ACAD10: variants seen among roughly 807,000 people sequenced by gnomAD.
ACAD10 encodes the protein ACAD-10.
Under a neutral mutation model 116.8 loss-of-function variants are expected in ACAD10, and 112 were observed. That is an observed-to-expected ratio of 0.96 (90% confidence interval 0.82 to 1.12). The LOEUF (loss-of-function observed/expected upper bound fraction) is 1.12, where lower values mean the gene tolerates loss of function less well. ACAD10 is among the 50% of genes most tolerant of loss of function. ACAD10 has a pLI of 0.00. For synonymous variants in ACAD10, 486 were observed against 510.6 expected (o/e 0.95, Z 0.65); for missense variants, 1,259 against 1,350.2 (o/e 0.93, Z 1.06).
At chr12:111,749,999 C>G (rs1161870138) in intron 18 of ACAD10, among the ~76,000 whole-genome samples, 1 of 150,574 alleles carries the variant, frequency 6.6e-6, no homozygotes, top group Non-Finnish European at 1.5e-5. Flanking sequence ...GGTCTCGATC[C>G]CTTGACCTCG....
Position 111,721,696 on chromosome 12 carries a change from G to A in ACAD10, c.1018G>A (p.Gly340Arg). 6.2e-7 allele frequency: 1 copy of A among 1,604,748 alleles called. No individual in the cohort carries two copies. The highest frequency in any genetic ancestry group is 8.5e-7 in the Non-Finnish European group (1 of 1,172,756). The change falls in exon 8 of 21, where the codon GGA (glycine) becomes AGA (arginine). Residue 340 changes from glycine (G) to arginine (R), a missense_variant. Gly to Arg is a moderately radical substitution (Grantham distance 125, BLOSUM62 -2). Transcript: ENST00000313698. ...GATTATGAAAGCCCTTGCAAATGCT[G>A]GAGTACCTGTCCCTAACGTTCTTGA... is the stretch of plus-strand genomic sequence containing the variant. ...FRIMKALANA[G>R]VPVPNVLDLC...
At chr12:111,703,112 A>G (rs1403366608) in intron 3 of ACAD10, among the ~76,000 whole-genome samples, 1 of 151,790 alleles carries the variant, frequency 6.6e-6, no homozygotes, top group South Asian at 2.1e-4. Context: ...ATTCTTTACT[A>G]AGTTCCTCCA....
chr12:111,698,810 A>G (rs769056715), intron 2 of ACAD10, among the ~76,000 whole-genome samples: 19 of 152,046 alleles, frequency 1.2e-4, no homozygotes, highest in Non-Finnish European at 2.2e-4. Flanking sequence ...TGATTTGCAA[A>G]TATTTTCTCC....
chr12:111,724,789 A>G (rs1023443950), intron 8 of ACAD10, among the ~76,000 whole-genome samples: 12 of 149,742 alleles, frequency 8.0e-5, no homozygotes, highest in Admixed American at 8.0e-4. Context: ...CCGTGGAAAG[A>G]GAGGGAGGGG....
At chr12:111,710,461 ATCT>A in intron 5 of ACAD10, 1 of 266,198 alleles carries the variant, frequency 3.8e-6, no homozygotes, top group Non-Finnish European at 7.5e-6. Flanking sequence ...TTGTAACATA[ATCT>A]TCTTTCTTCT....
chr12:111,711,623 C>T (rs559871025), intron 5 of ACAD10, among the ~76,000 whole-genome samples: 2 of 148,986 alleles, frequency 1.3e-5, no homozygotes. Flanking sequence ...CTCCTGGGTT[C>T]GCACCATTCT....
At chr12:111,720,759 TTTTTA>T (rs1365437089) in intron 7 of ACAD10, among the ~76,000 whole-genome samples, 1 of 151,980 alleles carries the variant, frequency 6.6e-6, no homozygotes, top group African/African-American at 2.4e-5. Context: ...CTGTCTTTTA[TTTTTA>T]TTTTATTTCT....
At chr12:111,747,745 C>CTAA in intron 16 of ACAD10, 1 of 1,078,210 alleles carries the variant, frequency 9.3e-7, no homozygotes, top group Non-Finnish European at 1.1e-6. Context: ...ATCCTAAGGG[C>CTAA]TAATGACAAT....
intron 12 of ACAD10, among the ~76,000 whole-genome samples, chr12:111,742,454 A>G (rs879303305): frequency 7.2e-5 from 11 of 152,174 alleles, no homozygotes; most frequent in Non-Finnish European, 1.0e-4. Context: ...GTAGAGACCT[A>G]TTGAGGTCCA....
chr12:111,703,107 T>TAA (rs141858045), intron 3 of ACAD10, among the ~76,000 whole-genome samples: 47 of 151,882 alleles, frequency 3.1e-4, no homozygotes, highest in African/African-American at 1.1e-3. Context: ...AAAAAATTCT[T>TAA]TACTAAGTTC....
chr12:111,687,678 T>A (rs914754642), intron 1 of ACAD10, among the ~76,000 whole-genome samples: 9 of 152,196 alleles, frequency 5.9e-5, no homozygotes, highest in Admixed American at 5.9e-4. Flanking sequence ...TCATATACCT[T>A]GTGTCATGCA....
At chr12:111,689,957 C>T (rs566750283) in intron 1 of ACAD10, among the ~76,000 whole-genome samples, 3 of 152,234 alleles carry the variant, frequency 2.0e-5, no homozygotes, top group Admixed American at 6.5e-5. Flanking sequence ...CTTTGTGATC[C>T]GCCCGCCTCG....
rs573737360 is a variant in ACAD10, at chr12:111,751,560, G to A, written c.2818-2212G>A. 2.1e-4 allele frequency among the ~76,000 whole-genome samples: 32 copies of A among 152,000 alleles called. No individual in the cohort carries two copies. In the South Asian group the frequency reaches 4.4e-3, roughly 21 times the overall value. ...AGCCTCGCCAACATGGTGATACCCC[G>A]TCTCTACTAAAAATACAGAAGTTAG... On this transcript the variant is annotated intron_variant, in intron 18 of 20. Coordinates refer to ENST00000313698, the MANE Select transcript of ACAD10 (RefSeq NM_025247.6).
chr12:111,750,322 G>A (rs879473524), intron 18 of ACAD10, among the ~76,000 whole-genome samples: 1 of 149,556 alleles, frequency 6.7e-6, no homozygotes, highest in East Asian at 2.0e-4. Context: ...CGATCTCACC[G>A]TGTTAGCCAG....
chr12:111,730,264 C>T (rs568937194), intron 10 of ACAD10, among the ~76,000 whole-genome samples: 20 of 152,256 alleles, frequency 1.3e-4, no homozygotes, highest in African/African-American at 4.8e-4. Flanking sequence ...CAGACCTGGT[C>T]CAGTGTTCCC....
Position 111,727,968 on chromosome 12 carries a change from T to C in ACAD10, c.1068T>C (p.Ile356=). 2 of 1,609,240 alleles carry C rather than the reference T, an allele frequency of 1.2e-6. No homozygotes were observed. The highest frequency in any genetic ancestry group is 1.3e-5 in the African/African-American group (1 of 74,864). Residue 356 remains isoleucine, a synonymous_variant, in exon 9 of 21, where the codon ATT becomes ATC. Coordinates refer to ENST00000313698, the MANE Select transcript of ACAD10 (RefSeq NM_025247.6). ...VLDLCEDSSV[I]GTPFYVMEYC... is the part of the protein sequence containing the mutation. The stretch of plus-strand genomic sequence containing the variant: ...CCTTCTGTGTTCCTCCCAGTGTCAT[T>C]GGCACCCCCTTCTATGTGATGGAGT...
chr12:111,721,656 C>T lies in ACAD10; in HGVS notation c.993-15C>T. 5.7e-6 allele frequency: 9 copies of T among 1,581,222 alleles called. No homozygotes were observed. The highest frequency in any genetic ancestry group is 7.8e-6 in the Non-Finnish European group (9 of 1,158,036). On this transcript the variant is annotated splice_polypyrimidine_tract_variant and intron_variant, in intron 7 of 20. Transcript: ENST00000313698. The stretch of plus-strand genomic sequence containing the variant: ...TTCAGCCAGCAATTTTGTTTATTTT[C>T]ATTTGTCCTTGCAGGATTATGAAAG...
intron 7 of ACAD10, among the ~76,000 whole-genome samples, chr12:111,716,786 G>A (rs1277471278): frequency 3.9e-5 from 6 of 152,186 alleles, no homozygotes; most frequent in Non-Finnish European, 8.8e-5. Context: ...AACCTGGGAG[G>A]TGGAAGCTGC....
At chr12:111,701,992 T>TG (rs2135949485) in intron 2 of ACAD10, among the ~76,000 whole-genome samples, 170 bp from the exon 3 acceptor site, 1 of 152,340 alleles carries the variant, frequency 6.6e-6, no homozygotes, top group Non-Finnish European at 1.5e-5. Flanking sequence ...GCTCTTCCTC[T>TG]GGGGGTCTAA....
Sources: gnomAD v4.1 joint callset for allele counts (sites outside exome capture counted in the v4.1 genomes callset) on GRCh38, gnomAD v4.1.1 for gene constraint, MANE v1.5 for transcripts, NCBI Gene and HGNC (gene_info 2026-07-23, HGNC 2026-07-21) for gene names.